SPIRE1: variants seen among roughly 807,000 people sequenced by gnomAD.
SPIRE1 encodes the protein protein spire homolog 1.
In SPIRE1, 40 loss-of-function variants were observed where a neutral mutation model predicts 94.1. That is an observed-to-expected ratio of 0.43 (90% CI 0.33 to 0.55). The LOEUF is 0.55. Among genes scored for constraint, SPIRE1 ranks in the 20% least tolerant of loss-of-function variants. SPIRE1 has a pLI of 0.06. For synonymous variants in SPIRE1, 376 were observed against 371.7 expected, an observed-to-expected ratio of 1.01 and a Z score of -0.13; for missense variants, 838 against 975.2, an observed-to-expected ratio of 0.86 and a Z score of 1.87.
intron 4 of SPIRE1, among the ~76,000 whole-genome samples, chr18:12,529,513 C>G (rs1182766065): frequency 6.6e-6 from 1 of 152,010 alleles, no homozygotes; most frequent in Non-Finnish European, 1.5e-5. Context: ...TTATAAGAAG[C>G]GTTTAATATG....
chr18:12,569,732 A>G (rs541509013), intron 2 of SPIRE1, among the ~76,000 whole-genome samples: 17 of 151,956 alleles, frequency 1.1e-4, no homozygotes, highest in South Asian at 2.1e-4. Context: ...CTCATGTCCT[A>G]TCACAGTAGC....
intron 2 of SPIRE1, among the ~76,000 whole-genome samples, chr18:12,578,930 A>G (rs1391039489): frequency 6.6e-6 from 1 of 152,242 alleles, no homozygotes; most frequent in Non-Finnish European, 1.5e-5. Context: ...GTACTTCAAC[A>G]GAAGTAAAGA....
intron 2 of SPIRE1, among the ~76,000 whole-genome samples, chr18:12,622,835 TC>T (rs1353817866): frequency 6.6e-6 from 1 of 152,196 alleles, no homozygotes; most frequent in Non-Finnish European, 1.5e-5. Flanking sequence ...TTGTGTTCTG[TC>T]AGTTTCAAAA....
rs114969168 is a variant in SPIRE1 at position 12,522,844 on chromosome 18, G to A, written c.730-10313C>T. ...CAAAATATTACCACTCATTGACAAT[G>A]CATTTGGTCACCCAAAAGCTCGATG... On this transcript the variant is annotated intron_variant, in intron 4 of 16. Transcript: ENST00000409402. 9.4e-3 allele frequency among the ~76,000 whole-genome samples: 1,435 copies of A among 152,276 alleles called. 29 individuals carry two copies. Among genetic ancestry groups the A allele is most frequent in the African/African-American group, 0.032 (1,324 of 41,552 alleles).
chr18:12,658,515 G>A, upstream of SPIRE1: 1 of 461,432 alleles, frequency 2.2e-6, no homozygotes, highest in Non-Finnish European at 4.5e-6. Context: ...AACTGGGCGC[G>A]CCAACCCGGG....
chr18:12,447,929 C>T lies in SPIRE1; in HGVS notation c.*1709G>A, dbSNP rs2031025057. 2 of 152,184 alleles carry T rather than the reference C, an allele frequency of 1.3e-5. No individual in the cohort carries two copies. Among genetic ancestry groups the T allele is most frequent in the South Asian group, 4.1e-4 (2 of 4,838 alleles). The allele number at this position is 152,184 out of a possible 1,614,324, so 9.4% of individuals were successfully genotyped here. A position where few individuals can be genotyped will look rare whatever the true frequency, so the allele number is the denominator to read the frequency against. On this transcript the variant is annotated 3_prime_UTR_variant, in exon 17 of 17. Transcript: ENST00000409402. The stretch of plus-strand genomic sequence containing the variant: ...GGGGTAGATTTATACTCCCACCTAA[C>T]TGTCTGGAGTATAGAGTTCAGATAG...
chr18:12,546,614 A>T (rs1439408393), intron 3 of SPIRE1, 60 bp downstream of exon 3: 14 of 1,348,872 alleles, frequency 1.0e-5, no homozygotes, highest in Non-Finnish European at 1.5e-5. Context: ...GGGGGGAAAA[A>T]AAAGAAGAAG....
chr18:12,609,336 G>A (rs1194223850), intron 2 of SPIRE1, among the ~76,000 whole-genome samples: 2 of 152,198 alleles, frequency 1.3e-5, no homozygotes, highest in Non-Finnish European at 2.9e-5. Context: ...GAGCCAAGCT[G>A]TCCAATATTC....
At chr18:12,629,826 T>A (rs898176974) in intron 2 of SPIRE1, among the ~76,000 whole-genome samples, 4 of 152,240 alleles carry the variant, frequency 2.6e-5, no homozygotes, top group African/African-American at 7.2e-5. Flanking sequence ...AGTAAAAAAA[T>A]TTGCATGTCA....
At chr18:12,509,813 A>T (rs551564170) in intron 5 of SPIRE1, among the ~76,000 whole-genome samples, 26 of 152,062 alleles carry the variant, frequency 1.7e-4, no homozygotes, top group Admixed American at 4.6e-4. Context: ...CTGGGTGCGG[A>T]GGCTCATACC....
In SPIRE1 at chr18:12,493,283, A is replaced by C; in HGVS notation, c.1060-82T>G. On this transcript the variant is annotated intron_variant, in intron 7 of 16. Coordinates refer to ENST00000409402, the MANE Select transcript of SPIRE1 (RefSeq NM_001128626.2). ...TCTAGTCATACAGTACAGTATTATA[A>C]ATTACATTTCATTGACTGGAACACT... 3 of 1,281,978 alleles carry C rather than the reference A, an allele frequency of 2.3e-6. No homozygotes were observed. The South Asian group carries it at 4.5e-5, about 19-fold the overall frequency. 79.4% of individuals were successfully genotyped at this position (1,281,978 alleles called of 1,614,324 possible). A position where few individuals can be genotyped will look rare whatever the true frequency, so the allele number is the denominator to read the frequency against.
At chr18:12,551,831 C>G (rs2035359043) in intron 2 of SPIRE1, among the ~76,000 whole-genome samples, 1 of 152,032 alleles carries the variant, frequency 6.6e-6, no homozygotes, top group African/African-American at 2.4e-5. Context: ...TTCATAAGAA[C>G]CAGAAATCAG....
chr18:12,509,184 T>C (rs1010313892), intron 5 of SPIRE1, among the ~76,000 whole-genome samples: 5 of 152,246 alleles, frequency 3.3e-5, no homozygotes, highest in African/African-American at 7.2e-5. Context: ...AATTCTCTCT[T>C]AACTCTTTGC....
At chr18:12,531,406 TC>T (rs1469262989) in intron 4 of SPIRE1, among the ~76,000 whole-genome samples, 1 of 152,214 alleles carries the variant, frequency 6.6e-6, no homozygotes, top group Non-Finnish European at 1.5e-5. Context: ...AGTATCTACC[TC>T]CATTTTCTTC....
At chr18:12,540,053 A>C (rs1029964031) in intron 3 of SPIRE1, among the ~76,000 whole-genome samples, 4 of 152,022 alleles carry the variant, frequency 2.6e-5, no homozygotes, top group African/African-American at 9.7e-5. Flanking sequence ...CAGAGCAGAG[A>C]GATCAATGAA....
intron 2 of SPIRE1, among the ~76,000 whole-genome samples, chr18:12,614,343 CT>C (rs1258041790): frequency 1.3e-5 from 2 of 152,118 alleles, no homozygotes; most frequent in African/African-American, 4.8e-5. Flanking sequence ...CTTAATTTAT[CT>C]ACTAGAAAAT....
At chr18:12,660,336 T>TA (rs2038670718), upstream of SPIRE1, among the ~76,000 whole-genome samples, 2 of 151,186 alleles carry the variant, frequency 1.3e-5, no homozygotes, top group Non-Finnish European at 2.9e-5. Context: ...TTTTTTTTTT[T>TA]AATTGAGACA....
At chr18:12,457,200 C>T (rs1350612599) in intron 12 of SPIRE1, among the ~76,000 whole-genome samples, 1 of 152,170 alleles carries the variant, frequency 6.6e-6, no homozygotes, top group Non-Finnish European at 1.5e-5. Context: ...AATTTTCAAG[C>T]AGATTACCCT....
chr18:12,474,492 G>C (rs145775528), intron 10 of SPIRE1, among the ~76,000 whole-genome samples: 59 of 152,290 alleles, frequency 3.9e-4, no homozygotes, highest in African/African-American at 1.3e-3. Context: ...GTACTTCTGT[G>C]TAAGTCTGGT....
Sources: gnomAD v4.1 joint callset for allele counts (sites outside exome capture counted in the v4.1 genomes callset) on GRCh38, gnomAD v4.1.1 for gene constraint, MANE v1.5 for transcripts, NCBI Gene and HGNC (gene_info 2026-07-23, HGNC 2026-07-21) for gene names.